Variants in ADAM18 observed in about 807,000 individuals in gnomAD.
ADAM18 encodes disintegrin and metalloproteinase domain-containing protein 18.
In ADAM18, 117 loss-of-function variants were observed where a neutral mutation model predicts 94.4. The ratio of observed to expected loss-of-function variants is 1.24; its 90% CI spans 1.07 to 1.45. The LOEUF (loss-of-function observed/expected upper bound fraction) is 1.45. Among genes scored for constraint, ADAM18 ranks in the 40% most tolerant of loss-of-function variants. ADAM18 has a pLI of 0.00. For missense variants in ADAM18, 936 were observed against 880.0 expected (o/e 1.06, Z -0.81); for synonymous variants, 327 against 291.6 (o/e 1.12, Z -1.24).
At chr8:39,724,632 A>G (rs763841569) in intron 19 of ADAM18, among the ~76,000 whole-genome samples, 1 of 151,748 alleles carries the variant, frequency 6.6e-6, no homozygotes, top group Non-Finnish European at 1.5e-5. Context: ...TTTTTCTAGT[A>G]GTTGTAAGGC....
chr8:39,712,215 A>C (rs1822429320), intron 18 of ADAM18, among the ~76,000 whole-genome samples: 1 of 152,212 alleles, frequency 6.6e-6, no homozygotes. Context: ...CAATAGATAC[A>C]GAAAAGGCCT....
At position 39,702,664 on chromosome 8, in the gene ADAM18, G is replaced by A. The variant is rs79289964; in HGVS notation, c.1903-4126G>A. Among the ~76,000 whole-genome samples the A allele has an allele frequency of 5.7e-3, 871 of 152,210 alleles. 5 individuals are homozygous for A. Among genetic ancestry groups the A allele is most frequent in the African/African-American group, 0.02 (827 of 41,532 alleles). ...CCATCTTAAGTTGATTTTTGTATAT[G>A]GTGTAAGGAAGGGGTTCAGTTTCAG... On this transcript the variant is annotated intron_variant, in intron 17 of 19. Coordinates refer to ENST00000265707, the MANE Select transcript of ADAM18 (RefSeq NM_014237.3).
intron 17 of ADAM18, among the ~76,000 whole-genome samples, chr8:39,695,742 T>C (rs1901388): frequency 0.51 from 76,282 of 151,016 alleles, 21,433 homozygotes; most frequent in Middle Eastern, 0.64. Context: ...GCTCCATCCA[T>C]GTTGTATCAT....
At chr8:39,607,070 T>G (rs184173833) in intron 3 of ADAM18, among the ~76,000 whole-genome samples, 1 of 152,334 alleles carries the variant, frequency 6.6e-6, no homozygotes, top group Admixed American at 6.5e-5. Context: ...GTGACACAAT[T>G]TTTATGATAT....
chr8:39,682,337 G>GA (rs1362240565), intron 16 of ADAM18, among the ~76,000 whole-genome samples: 1 of 152,196 alleles, frequency 6.6e-6, no homozygotes, highest in East Asian at 1.9e-4. Flanking sequence ...AGATTCACGG[G>GA]AGGTTCACAG....
At chr8:39,666,774 T>C (rs1385013086) in intron 13 of ADAM18, among the ~76,000 whole-genome samples, 1 of 152,152 alleles carries the variant, frequency 6.6e-6, no homozygotes, top group African/African-American at 2.4e-5. Flanking sequence ...TTGAATTATC[T>C]CCCACCGGGT....
intron 6 of ADAM18, among the ~76,000 whole-genome samples, chr8:39,612,706 G>A (rs1256525154): frequency 6.6e-6 from 1 of 152,140 alleles, no homozygotes; most frequent in African/African-American, 2.4e-5. Context: ...CCTACTGTCT[G>A]ACATATTCTT....
intron 2 of ADAM18, among the ~76,000 whole-genome samples, chr8:39,596,805 G>A (rs935139081): frequency 2.6e-5 from 4 of 152,166 alleles, no homozygotes; most frequent in Non-Finnish European, 5.9e-5. Flanking sequence ...AAGAATAAGA[G>A]TTCCTGTGGC....
At chr8:39,726,706 T>A (rs1373141184) in intron 19 of ADAM18, among the ~76,000 whole-genome samples, 3 of 152,134 alleles carry the variant, frequency 2.0e-5, no homozygotes, top group Non-Finnish European at 4.4e-5. Flanking sequence ...TTAATCTCTC[T>A]CCTGATTTCT....
chr8:39,620,070 TC>T (rs1819562598), intron 6 of ADAM18, among the ~76,000 whole-genome samples: 2 of 152,016 alleles, frequency 1.3e-5, no homozygotes, highest in Admixed American at 1.3e-4. Context: ...TTTACAGCCA[TC>T]CTTTTTTATT....
chr8:39,589,980 G>A (rs1288453175), intron 2 of ADAM18, among the ~76,000 whole-genome samples: 1 of 147,768 alleles, frequency 6.8e-6, no homozygotes, highest in Non-Finnish European at 1.5e-5. Flanking sequence ...CTTTTACACT[G>A]TTGGTGGGAC....
intron 14 of ADAM18, among the ~76,000 whole-genome samples, chr8:39,674,790 C>T (rs554786315): frequency 2.0e-5 from 3 of 152,194 alleles, no homozygotes; most frequent in Admixed American, 6.5e-5. Context: ...TTAGTGCTTC[C>T]TTCAGGAGCT....
intron 17 of ADAM18, among the ~76,000 whole-genome samples, chr8:39,702,746 C>T (rs6995642): frequency 0.53 from 80,784 of 151,960 alleles, 22,923 homozygotes; most frequent in Non-Finnish European, 0.64. Flanking sequence ...AGAGTATCCA[C>T]TCCCCATTGT....
chr8:39,727,110 C>T (rs1232120883), intron 19 of ADAM18, among the ~76,000 whole-genome samples: 5 of 152,110 alleles, frequency 3.3e-5, no homozygotes, highest in Admixed American at 3.3e-4. Flanking sequence ...TTCAATATGT[C>T]TAGTTTCCTA....
At chr8:39,595,819 C>T (rs1157905208) in intron 2 of ADAM18, among the ~76,000 whole-genome samples, 3 of 152,144 alleles carry the variant, frequency 2.0e-5, no homozygotes, top group East Asian at 1.9e-4. Flanking sequence ...CCACCATGCC[C>T]GGCCTGAACT....
rs771205678 is a variant in ADAM18, at chr8:39,692,641, A to G, written c.1863A>G (p.Gly621=). The change falls in exon 17 of 20, where the codon GGA becomes GGG. Residue 621 remains glycine, a synonymous_variant. Coordinates refer to ENST00000265707, the MANE Select transcript of ADAM18 (RefSeq NM_014237.3). ...NKTCRKVHLM[G]YNCNATTKCK... ...CCTGCAGAAAAGTTCATTTAATGGG[A>G]TATAACTGTAATGCCACCACAAAAT... 23 of 1,607,914 alleles carry G rather than the reference A, an allele frequency of 1.4e-5. No individual in the cohort carries two copies. The Admixed American group carries it at 3.2e-4, about 22-fold the overall frequency.
intron 12 of ADAM18, among the ~76,000 whole-genome samples, chr8:39,660,339 A>G (rs143022857): frequency 1.8e-4 from 28 of 152,290 alleles, no homozygotes; most frequent in Non-Finnish European, 3.1e-4. Flanking sequence ...ATTAAATTAT[A>G]TGCTACATCC....
chr8:39,692,385 C>G (rs1254983077), intron 16 of ADAM18, among the ~76,000 whole-genome samples: 1 of 151,564 alleles, frequency 6.6e-6, no homozygotes, highest in African/African-American at 2.4e-5. Flanking sequence ...CAAATGCTGT[C>G]AGTTTTTTTG....
chr8:39,695,743 G>A (rs1585989480), intron 17 of ADAM18, among the ~76,000 whole-genome samples: 2 of 151,250 alleles, frequency 1.3e-5, no homozygotes, highest in Middle Eastern at 3.4e-3. Context: ...CTCCATCCAT[G>A]TTGTATCATG....
Sources: allele counts gnomAD v4.1 joint callset (sites outside exome capture counted in the v4.1 genomes callset), GRCh38; gene constraint gnomAD v4.1.1; transcripts MANE v1.5; gene names NCBI Gene and HGNC (gene_info 2026-07-23, HGNC 2026-07-21).